POMT2: variants seen among roughly 807,000 people sequenced by gnomAD.
POMT2 encodes the protein protein O-mannosyltransferase 2.
Under a neutral mutation model 100.0 loss-of-function variants are expected in POMT2, and 75 were observed. The observed-to-expected ratio is 0.75, with a 90% CI of 0.62 to 0.91. The LOEUF is 0.91. POMT2 is among the 40% of genes least tolerant of loss of function. The pLI is 0.00. For synonymous variants in POMT2, 378 were observed against 374.1 expected, an observed-to-expected ratio of 1.01 and a Z score of -0.12; for missense variants, 940 against 955.1, an observed-to-expected ratio of 0.98 and a Z score of 0.21.
rs1391641457 is a variant in POMT2, at chr14:77,298,724, G to C, written c.971C>G (p.Ser324Ter). ...GGAAGCATTGTGCAGGTTGTTCCCT[G>C]AAAGCCGGGCCTGGAAGGCAGAACT... ...FFSSAFQARLSGNNLHNASIP... is the reference protein window; with the variant it reads ...FFSSAFQARL Residue 324 changes from serine (S) to a stop codon, truncating the protein, a stop_gained, in exon 8 of 21, where the codon TCA becomes TGA. Coordinates refer to ENST00000261534, the MANE Select transcript of POMT2 (RefSeq NM_013382.7). LOFTEE classifies it high-confidence loss of function. The C allele has an allele frequency of 6.2e-7, 1 of 1,613,786 alleles. No homozygotes were observed. Among genetic ancestry groups the C allele is most frequent in the African/African-American group, 1.3e-5 (1 of 75,070 alleles).
intron 20 of POMT2, 33 bp downstream of exon 20, chr14:77,278,361 C>T: frequency 6.9e-7 from 1 of 1,439,550 alleles, no homozygotes; most frequent in Non-Finnish European, 9.6e-7. Context: ...TGAGCCCACA[C>T]TGGGAGGGCA....
chr14:77,281,043 GAGATCATGC>G (rs1463637258), intron 15 of POMT2, among the ~76,000 whole-genome samples: 6 of 152,010 alleles, frequency 3.9e-5, no homozygotes, highest in Non-Finnish European at 8.8e-5. Flanking sequence ...GCAGTGAGCT[GAGATCATGC>G]CATTGCACTC....
At chr14:77,296,590 G>A in intron 8 of POMT2, 1 of 322,156 alleles carries the variant, frequency 3.1e-6, no homozygotes, top group East Asian at 5.8e-5. Context: ...TGGATTCAAT[G>A]GAATAAAGAA....
intron 10 of POMT2, among the ~76,000 whole-genome samples, chr14:77,289,305 C>T (rs1261108036): frequency 1.3e-5 from 2 of 151,966 alleles, no homozygotes; most frequent in Non-Finnish European, 2.9e-5. Flanking sequence ...GCAGGAGAAT[C>T]GCTTGAACCC....
At chr14:77,315,260 G>A (rs1891583855) in intron 1 of POMT2, among the ~76,000 whole-genome samples, 1 of 152,184 alleles carries the variant, frequency 6.6e-6, no homozygotes, top group Non-Finnish European at 1.5e-5. Context: ...CCCTGAGGGA[G>A]CGACACTGGG....
intron 11 of POMT2, among the ~76,000 whole-genome samples, chr14:77,288,417 T>C (rs1327245356): frequency 1.3e-5 from 2 of 152,132 alleles, no homozygotes; most frequent in African/African-American, 2.4e-5. Flanking sequence ...ATGCCTGTAA[T>C]AGCAACCATT....
At chr14:77,293,265 G>A (rs958582270) in intron 9 of POMT2, among the ~76,000 whole-genome samples, 6 of 150,646 alleles carry the variant, frequency 4.0e-5, no homozygotes, top group African/African-American at 1.5e-4. Flanking sequence ...GTGTAGATGT[G>A]TGGTAGGAGA....
intron 16 of POMT2, 76 bp downstream of exon 16, chr14:77,280,316 A>AC (rs1185987473): frequency 7.6e-7 from 1 of 1,323,234 alleles, no homozygotes; most frequent in Non-Finnish European, 1.1e-6. Context: ...TAGTACACCC[A>AC]CCCCCGCCTC....
intron 1 of POMT2, chr14:77,319,519 T>C (rs748502826): frequency 6.6e-6 from 1 of 152,228 alleles, no homozygotes; most frequent in Non-Finnish European, 1.5e-5. Context: ...TTCTCATGGT[T>C]GTGTTTGCAG....
At position 77,285,593 on chromosome 14, in the gene POMT2, C is replaced by A; in HGVS notation, c.1372G>T (p.Val458Phe). 1 of 1,613,300 alleles carries A rather than the reference C, an allele frequency of 6.2e-7. No homozygotes were observed. Among genetic ancestry groups the A allele is most frequent in the Non-Finnish European group, 8.5e-7 (1 of 1,179,280 alleles). The change falls in exon 13 of 21, where the codon GTC (valine) becomes TTC (phenylalanine). Residue 458 changes from valine to phenylalanine, a missense_variant. By Grantham distance (50) the Val-to-Phe change is conservative. Coordinates refer to ENST00000261534, the MANE Select transcript of POMT2 (RefSeq NM_013382.7). ...CGGTTTCCAAATTTCCTGTTTACGA[C>A]CTCAATCCGCCAGAAATCATTTGAG... ...GDSNDFWRIE[V>F]VNRKFGNRIK...
Position 77,287,184 on chromosome 14 carries a change from C to G in POMT2, c.1254-362G>C, listed in dbSNP as rs28501983. On this transcript the variant is annotated intron_variant, in intron 11 of 20. Transcript: ENST00000261534. The stretch of plus-strand genomic sequence containing the variant: ...GGTTTGAGGAGAGGAAAAATTAAAA[C>G]TTGTAATCTGCATGGCCTGAGCTAG... The G allele has an allele frequency of 2.6e-3, 863 of 328,774 alleles. 12 individuals carry two copies. The highest frequency in any genetic ancestry group is 0.018 in the African/African-American group (818 of 46,640). 20.4% of individuals were successfully genotyped at this position (328,774 alleles called of 1,614,324 possible).
At chr14:77,306,864 G>A (rs543865400) in intron 2 of POMT2, 1 of 238,268 alleles carries the variant, frequency 4.2e-6, no homozygotes, top group Non-Finnish European at 8.3e-6. Flanking sequence ...CACAGTGAGA[G>A]AGAAAAGAGA....
chr14:77,279,090 C>T lies in POMT2; in HGVS notation c.1892-221G>A, dbSNP rs1290363172. Reference sequence around the variant, plus strand: ...GAGGCCTGGGCACCAATGGCAGGTGCACCAAGCACCAGCAGGAGGCAGCCC... The same window carrying T: ...GAGGCCTGGGCACCAATGGCAGGTGTACCAAGCACCAGCAGGAGGCAGCCC... On this transcript the variant is annotated intron_variant, in intron 18 of 20. Transcript: ENST00000261534. The T allele has an allele frequency of 4.7e-6, 3 of 640,342 alleles. No individual in the cohort carries two copies. The African/African-American group carries it at 5.4e-5, about 12-fold the overall frequency. The allele number at this position is 640,342 out of a possible 1,614,324, so 39.7% of individuals were successfully genotyped here.
intron 2 of POMT2, among the ~76,000 whole-genome samples, chr14:77,311,218 A>G (rs186696138): frequency 1.3e-5 from 2 of 152,360 alleles, no homozygotes; most frequent in African/African-American, 4.8e-5. Context: ...AACAGATCAA[A>G]CCATGTGTAT....
chr14:77,304,759 G>A lies in POMT2; in HGVS notation c.480C>T (p.Tyr160=), dbSNP rs1202494830. The change falls in exon 4 of 21, where the codon TAC becomes TAT. Residue 160 remains tyrosine (Y), a synonymous_variant. Coordinates refer to ENST00000261534, the MANE Select transcript of POMT2 (RefSeq NM_013382.7). The part of the protein sequence containing the change: ...FLGSWLVPFA[Y]LTVLDLSKSL... ...ACTTGGACAGATCCAGTACAGTGAGGTAGGCAAAGGGGACCAGCCAGGAGC... is the reference window on the plus strand; with the variant it reads ...ACTTGGACAGATCCAGTACAGTGAGATAGGCAAAGGGGACCAGCCAGGAGC... 2.5e-6 allele frequency: 4 copies of A among 1,600,744 alleles called. No individual in the cohort carries two copies. The highest frequency in any genetic ancestry group is 3.4e-6 in the Non-Finnish European group (4 of 1,174,544).
intron 2 of POMT2, among the ~76,000 whole-genome samples, chr14:77,311,384 G>A (rs138442544): frequency 5.9e-5 from 9 of 152,228 alleles, no homozygotes; most frequent in African/African-American, 2.2e-4. Flanking sequence ...AGTGTGCAAT[G>A]GGTGGTTTTA....
At chr14:77,298,886 T>C (rs1465278418) in intron 7 of POMT2, 115 bp from the exon 8 acceptor site, 1 of 1,022,114 alleles carries the variant, frequency 9.8e-7, no homozygotes, top group Non-Finnish European at 1.5e-6. Flanking sequence ...AATCAGATCA[T>C]GGGACAGAGG....
Position 77,278,795 on chromosome 14 carries a change from G to T in POMT2, c.1966C>A (p.Leu656Met). The T allele has an allele frequency of 6.2e-7, 1 of 1,613,808 alleles. No individual in the cohort carries two copies. Among genetic ancestry groups the T allele is most frequent in the Non-Finnish European group, 8.5e-7 (1 of 1,179,856 alleles). ...GWTLHYFPFF[L>M]MGRVLYFHHY... ...TGGAAGTAGAGGACCCGGCCCATCAGGAAAAACGGGAAGTAATGGAGTGTC... is the reference window on the plus strand; with the variant it reads ...TGGAAGTAGAGGACCCGGCCCATCATGAAAAACGGGAAGTAATGGAGTGTC... The change falls in exon 19 of 21, where the codon CTG becomes ATG. Residue 656 changes from leucine (L) to methionine (M), a missense_variant. Transcript: ENST00000261534.
At position 77,275,032 on chromosome 14, in the gene POMT2, C is replaced by A. The variant is rs906296685; in HGVS notation, c.*2344G>T. The A allele has an allele frequency of 6.6e-6, 1 of 152,064 alleles. No homozygotes were observed. The highest frequency in any genetic ancestry group is 1.5e-5 in the Non-Finnish European group (1 of 67,992). The allele number at this position is 152,064 out of a possible 1,614,324, so 9.4% of individuals were successfully genotyped here. A position where few individuals can be genotyped will look rare whatever the true frequency, so the allele number is the denominator to read the frequency against. ...TTTTTTTTTTTAAACCAAATAGGCT[C>A]AAGAAGCTGGCTGGAGGTTGAATTG... On this transcript the variant is annotated 3_prime_UTR_variant, in exon 21 of 21. Transcript: ENST00000261534.
Sources: gnomAD v4.1 joint callset for allele counts (sites outside exome capture counted in the v4.1 genomes callset) on GRCh38, gnomAD v4.1.1 for gene constraint, MANE v1.5 for transcripts, NCBI Gene and HGNC (gene_info 2026-07-23, HGNC 2026-07-21) for gene names.